Variants in GLYATL1B observed in about 807,000 individuals in gnomAD.
GLYATL1B encodes glycine-N-acyltransferase like 1B, also known as putative glycine N-acyltransferase-like protein 1B.
A neutral mutation model predicts 5.5 loss-of-function variants in GLYATL1B; 6 were observed. The ratio of observed to expected loss-of-function variants is 1.09; its 90% CI spans 0.60 to 2.15. GLYATL1B has a LOEUF of 2.15. GLYATL1B is among the 30% of genes most tolerant of loss of function. GLYATL1B has a pLI of 0.00. For missense variants in GLYATL1B, 135 were observed against 94.1 expected (o/e 1.43, Z -1.80); for synonymous variants, 67 against 34.9 (o/e 1.92, Z -3.24).
chr11:59,089,917 A>G (rs1481969659), intron 2 of GLYATL1B, among the ~76,000 whole-genome samples: 1 of 152,052 alleles, frequency 6.6e-6, no homozygotes, highest in Admixed American at 6.6e-5. Context: ...CCAAGATCGT[A>G]CAAGTTGTTT....
chr11:59,090,110 A>G (rs1369621828), intron 2 of GLYATL1B, among the ~76,000 whole-genome samples: 2 of 152,102 alleles, frequency 1.3e-5, no homozygotes, highest in East Asian at 3.9e-4. Context: ...ATAAATGTCT[A>G]TTTTGTCATA....
intron 1 of GLYATL1B, 123 bp from the exon 2 acceptor site, chr11:59,086,941 C>A: frequency 2.3e-6 from 1 of 437,086 alleles, no homozygotes; most frequent in Non-Finnish European, 4.0e-6. Context: ...TGCTGTTCAT[C>A]TCATCATCAC....
At chr11:59,094,141 A>G (rs879920830) in intron 4 of GLYATL1B, 30 bp downstream of exon 4, 101 of 563,804 alleles carry the variant, frequency 1.8e-4, no homozygotes, top group Non-Finnish European at 3.0e-4. Context: ...ATCATTTATA[A>G]TTGCTATTCC....
At chr11:59,089,012 G>C (rs1279770353) in intron 2 of GLYATL1B, among the ~76,000 whole-genome samples, 1 of 152,198 alleles carries the variant, frequency 6.6e-6, no homozygotes, top group Non-Finnish European at 1.5e-5. Flanking sequence ...ATTTTAAGAA[G>C]TTAATAACCT....
intron 2 of GLYATL1B, among the ~76,000 whole-genome samples, chr11:59,092,748 G>A (rs1442636119): frequency 5.3e-5 from 8 of 152,142 alleles, no homozygotes; most frequent in East Asian, 1.9e-4. Flanking sequence ...CATAAATTGC[G>A]CAGAGTGCTA....
intron 2 of GLYATL1B, among the ~76,000 whole-genome samples, chr11:59,088,709 T>A (rs749170861): frequency 1.3e-5 from 2 of 152,216 alleles, no homozygotes; most frequent in African/African-American, 2.4e-5. Flanking sequence ...AGTTTTTATA[T>A]AGTGAGTCAG....
intron 2 of GLYATL1B, among the ~76,000 whole-genome samples, chr11:59,090,398 T>A (rs1859283643): frequency 6.6e-6 from 1 of 152,052 alleles, no homozygotes; most frequent in Admixed American, 6.5e-5. Context: ...TGATACTAAA[T>A]ATTTTTATCA....
At chr11:59,086,757 T>A (rs1334444268) in intron 1 of GLYATL1B, among the ~76,000 whole-genome samples, 1 of 152,182 alleles carries the variant, frequency 6.6e-6, no homozygotes, top group African/African-American at 2.4e-5. Context: ...ATAATATTAG[T>A]ACCTACCTCT....
Position 59,093,025 on chromosome 11 carries a change from C to G in GLYATL1B, c.187-504C>G, listed in dbSNP as rs182056561. 4.6e-5 allele frequency among the ~76,000 whole-genome samples: 7 copies of G among 152,304 alleles called. No individual in the cohort carries two copies. The East Asian group carries it at 9.6e-4, about 21-fold the overall frequency. Reference sequence around the variant, plus strand: ...GCCGAGCTTAAGAACTTAACCCTATCAACACGGACTCAGTACAACCCAGAA... The same window carrying G: ...GCCGAGCTTAAGAACTTAACCCTATGAACACGGACTCAGTACAACCCAGAA... On this transcript the variant is annotated intron_variant, in intron 2 of 4. Transcript: ENST00000527482.
At position 59,094,107 on chromosome 11, in the gene GLYATL1B, G is replaced by C. The variant is rs529038399; in HGVS notation, c.487G>C (p.Glu163Gln). 72 of 619,952 alleles carry C rather than the reference G, an allele frequency of 1.2e-4. No individual in the cohort carries two copies. The African/African-American group carries it at 1.3e-3, about 12-fold the overall frequency. 38.4% of individuals were successfully genotyped at this position (619,952 alleles called of 1,614,324 possible). A position where few individuals can be genotyped will look rare whatever the true frequency, so the allele number is the denominator to read the frequency against. The stretch of plus-strand genomic sequence containing the variant: ...GACAGGCCACCCAGATGACGAATTG[G>C]AGAGGTACAAAAAACATGTGCTGAT... ...AETGHPDDEL[E>Q]SETPNFKYAQ... The change falls in exon 4 of 5, where the codon GAG becomes CAG. Residue 163 changes from glutamate to glutamine, a missense_variant. Coordinates refer to ENST00000527482, the MANE Select transcript of GLYATL1B (RefSeq NM_001355566.1).
chr11:59,092,467 T>A (rs1271430840), intron 2 of GLYATL1B, among the ~76,000 whole-genome samples: 1 of 152,212 alleles, frequency 6.6e-6, no homozygotes, highest in African/African-American at 2.4e-5. Flanking sequence ...TTAAATTCAC[T>A]GAGGTGTTGT....
At chr11:59,086,706 T>C (rs1276250955) in intron 1 of GLYATL1B, among the ~76,000 whole-genome samples, 2 of 152,192 alleles carry the variant, frequency 1.3e-5, no homozygotes, top group Admixed American at 6.5e-5. Context: ...CCTGTGCCTT[T>C]AGCTTTCTTT....
At chr11:59,092,672 G>C (rs1291718431) in intron 2 of GLYATL1B, among the ~76,000 whole-genome samples, 2 of 152,180 alleles carry the variant, frequency 1.3e-5, no homozygotes, top group Non-Finnish European at 2.9e-5. Flanking sequence ...ATCGTCCCAT[G>C]AAGTTTGTGG....
rs1047779528 is a variant in GLYATL1B at position 59,086,320 on chromosome 11, A to G, written c.14A>G (p.Asn5Ser). 2.5e-6 allele frequency: 1 copy of G among 398,942 alleles called. No individual in the cohort carries two copies. The highest frequency in any genetic ancestry group is 2.1e-5 in the African/African-American group (1 of 48,608). The allele number at this position is 398,942 out of a possible 1,614,324, so 24.7% of individuals were successfully genotyped here. A position where few individuals can be genotyped will look rare whatever the true frequency, so the allele number is the denominator to read the frequency against. The change falls in exon 1 of 5, where the codon AAT (asparagine) becomes AGT (serine). Residue 5 changes from asparagine (N) to serine (S), a missense_variant. Transcript: ENST00000527482. ...GCATCCCACAAAATGATTCTATTGAATAATTCCGAGCGGCTGCTGGCCCTA... is the reference window on the plus strand; with the variant it reads ...GCATCCCACAAAATGATTCTATTGAGTAATTCCGAGCGGCTGCTGGCCCTA... MILLNNSERLLALFK... is the reference protein window; with the variant it reads MILLSNSERLLALFK...
At chr11:59,090,898 G>A (rs1486221241) in intron 2 of GLYATL1B, among the ~76,000 whole-genome samples, 1 of 151,900 alleles carries the variant, frequency 6.6e-6, no homozygotes, top group South Asian at 2.1e-4. Flanking sequence ...ACTTACCTTT[G>A]GAATTACATT....
At chr11:59,093,075 G>A (rs1394571584) in intron 2 of GLYATL1B, among the ~76,000 whole-genome samples, 3 of 152,136 alleles carry the variant, frequency 2.0e-5, no homozygotes, top group Non-Finnish European at 2.9e-5. Context: ...GGTTATGTGG[G>A]GCACAGTATA....
At chr11:59,087,342 T>G (rs575444126) in intron 2 of GLYATL1B, among the ~76,000 whole-genome samples, 171 bp downstream of exon 2, 8 of 151,260 alleles carry the variant, frequency 5.3e-5, no homozygotes, top group Admixed American at 4.6e-4. Flanking sequence ...ACACTCTTCC[T>G]GTAAAGCATA....
At chr11:59,089,261 T>C (rs1426816458) in intron 2 of GLYATL1B, among the ~76,000 whole-genome samples, 1 of 152,190 alleles carries the variant, frequency 6.6e-6, no homozygotes, top group Non-Finnish European at 1.5e-5. Flanking sequence ...TCTCCTCCTG[T>C]TGGGTTCAAA....
chr11:59,091,198 C>T (rs1859300850), intron 2 of GLYATL1B, among the ~76,000 whole-genome samples: 1 of 152,128 alleles, frequency 6.6e-6, no homozygotes, highest in Non-Finnish European at 1.5e-5. Context: ...TGGTCAGTAA[C>T]TCTCTTTTTG....
Sources: gnomAD v4.1 joint callset for allele counts (sites outside exome capture counted in the v4.1 genomes callset) on GRCh38, gnomAD v4.1.1 for gene constraint, MANE v1.5 for transcripts, NCBI Gene and HGNC (gene_info 2026-07-23, HGNC 2026-07-21) for gene names.